The following ATP1B2 variants were observed in gnomAD, a reference collection of about 807,000 sequenced individuals.
ATP1B2 encodes sodium/potassium-transporting ATPase subunit beta-2.
In ATP1B2, 12 loss-of-function variants were observed where a neutral mutation model predicts 37.3. That is an observed-to-expected ratio of 0.32 (90% CI 0.21 to 0.52). The LOEUF is 0.52. Ranked by LOEUF, ATP1B2 falls within the 20% of genes least tolerant of loss-of-function variation. ATP1B2 has a pLI of 0.96. For missense variants in ATP1B2, 324 were observed against 391.6 expected (o/e 0.83, Z 1.46); for synonymous variants, 139 against 140.5 (o/e 0.99, Z 0.07).
upstream of ATP1B2, among the ~76,000 whole-genome samples, chr17:7,649,875 G>A (rs2072598925): frequency 1.3e-5 from 2 of 151,960 alleles, no homozygotes; most frequent in African/African-American, 4.8e-5. Flanking sequence ...GCATTTTTAA[G>A]TAGAGACGGG....
In ATP1B2 at chr17:7,654,681, G is replaced by A. The variant is rs979600862; in HGVS notation, c.606G>A (p.Gly202=). 5.6e-6 allele frequency: 9 copies of A among 1,614,154 alleles called. No homozygotes were observed. The highest frequency in any genetic ancestry group is 7.6e-6 in the Non-Finnish European group (9 of 1,180,008). ...ANQSMNVTCA[G]KRDEDAENLG... is the part of the protein sequence containing the mutation. ...AGAGCATGAATGTTACCTGTGCTGG[G>A]AAGGTGAGTTCGTTGGGCCTTGTCT... Residue 202 remains glycine (G), a synonymous_variant, in exon 5 of 7, where the codon GGG becomes GGA. Transcript: ENST00000250111. The surrounding 1 kb of genome is among the most constrained non-coding windows in gnomAD (Gnocchi z 4.9).
At chr17:7,648,350 G>A (rs2072587354), upstream of ATP1B2, among the ~76,000 whole-genome samples, 1 of 151,928 alleles carries the variant, frequency 6.6e-6, no homozygotes, top group African/African-American at 2.4e-5. Flanking sequence ...GGCCAAGGTA[G>A]GTGGATCATT....
chr17:7,652,149 T>C (rs914695978), intron 1 of ATP1B2, among the ~76,000 whole-genome samples: 1 of 151,472 alleles, frequency 6.6e-6, no homozygotes, highest in African/African-American at 2.4e-5. Context: ...GGGACTGCTT[T>C]GTGGGTTGGG....
rs948125914 is a variant in ATP1B2 at position 7,656,307 on chromosome 17, C to G, written c.*412C>G. The G allele has an allele frequency of 2.1e-5, 4 of 194,078 alleles. No homozygotes were observed. The highest frequency in any genetic ancestry group is 4.3e-5 in the Non-Finnish European group (4 of 93,398). The allele number at this position is 194,078 out of a possible 1,614,324, so 12.0% of individuals were successfully genotyped here. A position where few individuals can be genotyped will look rare whatever the true frequency, so the allele number is the denominator to read the frequency against. ...ACGTGCACACGCGTCTCATTTGACC[C>G]CTTTGCTTCCAGAGATGAATGTGGC... On this transcript the variant is annotated 3_prime_UTR_variant, in exon 7 of 7. Transcript: ENST00000250111.
chr17:7,653,758 T>G, intron 2 of ATP1B2, 83 bp from the exon 3 acceptor site: 1 of 1,406,996 alleles, frequency 7.1e-7, no homozygotes, highest in South Asian at 1.2e-5. Flanking sequence ...CCCACTCTGG[T>G]GTTCCCTGTG....
At chr17:7,647,116 AAAAAG>A (rs1200406163), upstream of ATP1B2, among the ~76,000 whole-genome samples, 14 of 151,768 alleles carry the variant, frequency 9.2e-5, no homozygotes, top group Non-Finnish European at 2.1e-4. Flanking sequence ...AAAAAAAAAA[AAAAAG>A]AGTAAGTGGG....
In ATP1B2 at chr17:7,657,148, C is replaced by A. The variant is rs368422238; in HGVS notation, c.*1253C>A. 3 of 152,112 alleles carry A rather than the reference C, an allele frequency of 2.0e-5. No individual in the cohort carries two copies. Among genetic ancestry groups the A allele is most frequent in the Non-Finnish European group, 2.9e-5 (2 of 68,018 alleles). The allele number at this position is 152,112 out of a possible 1,614,324, so 9.4% of individuals were successfully genotyped here. A position where few individuals can be genotyped will look rare whatever the true frequency, so the allele number is the denominator to read the frequency against. On this transcript the variant is annotated 3_prime_UTR_variant, in exon 7 of 7. Transcript: ENST00000250111. ...TTCCCAGGGAGCTCTGGGGGAGGGG[C>A]GGCCATTCTGGCTCCGTCCCCAGTG...
At chr17:7,647,472 G>A (rs558619369), upstream of ATP1B2, among the ~76,000 whole-genome samples, 1 of 151,804 alleles carries the variant, frequency 6.6e-6, no homozygotes, top group Non-Finnish European at 1.5e-5. Flanking sequence ...GACCAGCCTC[G>A]TCAACACAGA....
chr17:7,653,736 T>C (rs1025567508), intron 2 of ATP1B2, 105 bp from the exon 3 acceptor site: 2 of 1,310,866 alleles, frequency 1.5e-6, no homozygotes, highest in Non-Finnish European at 2.1e-6. Flanking sequence ...ATCTCAGATA[T>C]TCACCGCTGT....
chr17:7,650,356 G>C (rs1213021460), upstream of ATP1B2, among the ~76,000 whole-genome samples: 1 of 152,162 alleles, frequency 6.6e-6, no homozygotes, highest in Non-Finnish European at 1.5e-5. Context: ...CAGGGGCTGT[G>C]AGATTGGAGA....
chr17:7,655,642 GC>G lies in ATP1B2; in HGVS notation c.708+20del. On this transcript the variant is annotated intron_variant, in intron 6 of 6. Transcript: ENST00000250111. This position sits in a 1 kb window ranked among gnomAD's most constrained non-coding sequence, Gnocchi z 4.4. ...AAGTTCCACGTAAGTCCCAGGGGAG[GC>G]CCAGGCTGATGGCGGGTGCGGGTGG... is the stretch of plus-strand genomic sequence containing the variant. The G allele has an allele frequency of 6.2e-7, 1 of 1,614,082 alleles. No homozygotes were observed. The highest frequency in any genetic ancestry group is 8.5e-7 in the Non-Finnish European group (1 of 1,180,010).
At chr17:7,653,112 G>A (rs2072624544) in intron 1 of ATP1B2, among the ~76,000 whole-genome samples, 1 of 152,150 alleles carries the variant, frequency 6.6e-6, no homozygotes, top group Non-Finnish European at 1.5e-5. Flanking sequence ...TGTAATTGGA[G>A]GCAAAATAAC....
upstream of ATP1B2, among the ~76,000 whole-genome samples, chr17:7,646,995 C>T (rs548343981): frequency 2.0e-5 from 3 of 151,578 alleles, no homozygotes; most frequent in South Asian, 6.3e-4. Flanking sequence ...AGACTAGTAG[C>T]CACTGGGCTA....
chr17:7,654,773 C>T lies in ATP1B2; in HGVS notation c.609+89C>T. 1 of 1,478,020 alleles carries T rather than the reference C, an allele frequency of 6.8e-7. No homozygotes were observed. Among genetic ancestry groups the T allele is most frequent in the Non-Finnish European group, 9.4e-7 (1 of 1,058,232 alleles). The allele number at this position is 1,478,020 out of a possible 1,614,324, so 91.6% of individuals were successfully genotyped here. A position where few individuals can be genotyped will look rare whatever the true frequency, so the allele number is the denominator to read the frequency against. ...TTCTGTGTAATTCACCTGTCTCTCC[C>T]TATCTTCTTTGCTCCTAGAGGCCCC... On this transcript the variant is annotated intron_variant, in intron 5 of 6. Coordinates refer to ENST00000250111, the MANE Select transcript of ATP1B2 (RefSeq NM_001678.5). This position sits in a 1 kb window ranked among gnomAD's most constrained non-coding sequence, Gnocchi z 4.9.
intron 1 of ATP1B2, among the ~76,000 whole-genome samples, chr17:7,652,775 C>T (rs528632407): frequency 1.3e-5 from 2 of 152,230 alleles, no homozygotes; most frequent in Admixed American, 1.3e-4. Context: ...TGCCTCTGCC[C>T]AGGGTGCTGG....
rs1200174775 is a variant in ATP1B2, at chr17:7,654,586, ACTT to A, written c.553-37_553-35del. The A allele has an allele frequency of 6.2e-7, 1 of 1,608,028 alleles. No homozygotes were observed. Among genetic ancestry groups the A allele is most frequent in the Admixed American group, 1.7e-5 (1 of 59,994 alleles). On this transcript the variant is annotated intron_variant, in intron 4 of 6. Transcript: ENST00000250111. The surrounding 1 kb of genome is among the most constrained non-coding windows in gnomAD (Gnocchi z 4.9). The stretch of plus-strand genomic sequence containing the variant: ...TTGGTCTGGATGCCCATCTTCGACA[ACTT>A]CTTCCTCTGACTCTCTTCACCTTCC...
rs200828135 is a variant in ATP1B2 at position 7,655,878 on chromosome 17, C to T, written c.856C>T (p.Arg286Cys). The change falls in exon 7 of 7, where the codon CGC (arginine) becomes TGC (cysteine). Residue 286 changes from arginine (R) to cysteine (C), a missense_variant. Transcript: ENST00000250111. The surrounding 1 kb of genome is among the most constrained non-coding windows in gnomAD (Gnocchi z 4.4). ...CGCCGGCCGCGTGGCCTTCAAACTC[C>T]GCATCAACAAAACCTGAGGCCCCTT... is the stretch of plus-strand genomic sequence containing the variant. ...KFAGRVAFKL[R>C]INKT is the part of the protein sequence containing the mutation. The T allele has an allele frequency of 1.1e-4, 177 of 1,613,996 alleles. No individual in the cohort carries two copies. Among genetic ancestry groups the T allele is most frequent in the Non-Finnish European group, 1.3e-4 (157 of 1,180,020 alleles).
chr17:7,653,265 T>C, intron 1 of ATP1B2, 109 bp from the exon 2 acceptor site: 1 of 1,503,456 alleles, frequency 6.7e-7, no homozygotes, highest in Non-Finnish European at 9.0e-7. Context: ...CCTGTGGCTC[T>C]GTGATCAGTC....
At chr17:7,647,826 G>GAA (rs34594515), upstream of ATP1B2, among the ~76,000 whole-genome samples, 74 of 145,930 alleles carry the variant, frequency 5.1e-4, no homozygotes, top group South Asian at 2.8e-3. Flanking sequence ...CTCAAAAAAA[G>GAA]AAAAAAAAAA....
Sources: gnomAD v4.1 joint callset for allele counts (sites outside exome capture counted in the v4.1 genomes callset) on GRCh38, gnomAD v4.1.1 for gene constraint, Gnocchi (gnomAD v3.1) non-coding constraint, MANE v1.5 for transcripts, NCBI Gene and HGNC (gene_info 2026-07-23, HGNC 2026-07-21) for gene names.